Variants in IFIT1B observed in about 807,000 individuals in gnomAD.
IFIT1B encodes protein IFIT1 homolog B.
Under a neutral mutation model 2.5 loss-of-function variants are expected in IFIT1B, and 3 were observed. That is an observed-to-expected ratio of 1.21 (90% confidence interval 0.55 to 3.14). The LOEUF (loss-of-function observed/expected upper bound fraction) is 3.14. IFIT1B is among the 30% of genes most tolerant of loss of function. The pLI is 0.03. For synonymous variants in IFIT1B, 196 were observed against 203.0 expected, an observed-to-expected ratio of 0.97 and a Z score of 0.29; for missense variants, 545 against 556.5, an observed-to-expected ratio of 0.98 and a Z score of 0.21.
At chr10:89,379,705 GTC>G (rs1308189034) in intron 1 of IFIT1B, among the ~76,000 whole-genome samples, 3 of 152,068 alleles carry the variant, frequency 2.0e-5, no homozygotes, top group Non-Finnish European at 4.4e-5. Context: ...GAGTACCCAA[GTC>G]TCTCTTTTTA....
At chr10:89,382,475 C>A (rs1376048694) in intron 1 of IFIT1B, among the ~76,000 whole-genome samples, 2 of 152,164 alleles carry the variant, frequency 1.3e-5, no homozygotes, top group African/African-American at 4.8e-5. Flanking sequence ...CCTTCTGGTC[C>A]CACTGACTTC....
Position 89,384,056 on chromosome 10 carries a change from C to G in IFIT1B, c.743C>G (p.Ser248Cys). The change falls in exon 2 of 2, where the codon TCT (serine) becomes TGT (cysteine). Residue 248 changes from serine (S) to cysteine (C), a missense_variant. Ser to Cys is a moderately radical substitution (Grantham distance 112). Transcript: ENST00000371809. Reference sequence around the variant, plus strand: ...ATTGAAGAAGCTCTGACCAGTATATCTTCACAGGCCTATGTCTTTCAATAT... The same window carrying G: ...ATTGAAGAAGCTCTGACCAGTATATGTTCACAGGCCTATGTCTTTCAATAT... ...KYIEEALTSI[S>C]SQAYVFQYAA... 6.2e-7 allele frequency: 1 copy of G among 1,614,208 alleles called. No homozygotes were observed. Among genetic ancestry groups the G allele is most frequent in the Non-Finnish European group, 8.5e-7 (1 of 1,180,044 alleles).
chr10:89,381,353 G>A (rs2133603007), intron 1 of IFIT1B, among the ~76,000 whole-genome samples: 1 of 152,168 alleles, frequency 6.6e-6, no homozygotes, highest in South Asian at 2.1e-4. Flanking sequence ...GCATTCTTCA[G>A]CACAATATTA....
Position 89,384,951 on chromosome 10 carries a change from C to A in IFIT1B, c.*213C>A. The A allele has an allele frequency of 1.9e-6, 1 of 528,174 alleles. No individual in the cohort carries two copies. The highest frequency in any genetic ancestry group is 3.3e-6 in the Non-Finnish European group (1 of 299,470). The allele number at this position is 528,174 out of a possible 1,614,324, so 32.7% of individuals were successfully genotyped here. A position where few individuals can be genotyped will look rare whatever the true frequency, so the allele number is the denominator to read the frequency against. The stretch of plus-strand genomic sequence containing the variant: ...AGGCCTTGTGGCACCAGACATAAGA[C>A]CCCCTGAAAGTATCATCCCTCCTGA... On this transcript the variant is annotated 3_prime_UTR_variant, in exon 2 of 2. Coordinates refer to ENST00000371809, the MANE Select transcript of IFIT1B (RefSeq NM_001010987.2).
chr10:89,381,211 T>A (rs1428801177), intron 1 of IFIT1B, among the ~76,000 whole-genome samples: 1 of 152,216 alleles, frequency 6.6e-6, no homozygotes, highest in African/African-American at 2.4e-5. Flanking sequence ...AATGGAAGTC[T>A]GTGTGGATTA....
In IFIT1B at chr10:89,383,826, C is replaced by T. The variant is rs758308539; in HGVS notation, c.513C>T (p.Asn171=). ...KTCFEKALEG[N]PENPEFNTGY... ...GCTTTGAAAAGGCTCTGGAAGGGAA[C>T]CCTGAAAACCCTGAATTCAATACTG... is the stretch of plus-strand genomic sequence containing the variant. Residue 171 remains asparagine (N), a synonymous_variant, in exon 2 of 2, where the codon AAC becomes AAT. Transcript: ENST00000371809. The T allele has an allele frequency of 7.4e-6, 12 of 1,614,152 alleles. No individual in the cohort carries two copies. The highest frequency in any genetic ancestry group is 1.3e-5 in the African/African-American group (1 of 75,028).
rs1236811462 is a variant in IFIT1B, at chr10:89,383,427, G to C, written c.114G>C (p.Arg38Ser). Reference protein sequence around the residue: ...EAPEIPDLENRIWEEIQFLDT... With the variant: ...EAPEIPDLENSIWEEIQFLDT... ...CTGAAATTCCTGATTTAGAAAACAG[G>C]ATCTGGGAAGAGATTCAGTTCCTGG... is the stretch of plus-strand genomic sequence containing the variant. The change falls in exon 2 of 2, where the codon AGG (arginine) becomes AGC (serine). Residue 38 changes from arginine to serine, a missense_variant. Physicochemically the swap from Arg to Ser is moderately radical, Grantham distance 110 (BLOSUM62 -1). Transcript: ENST00000371809. 4 of 1,614,094 alleles carry C rather than the reference G, an allele frequency of 2.5e-6. No individual in the cohort carries two copies. The Admixed American group carries it at 6.7e-5, about 27-fold the overall frequency.
chr10:89,383,229 G>C, intron 1 of IFIT1B, 90 bp from the exon 2 acceptor site: 1 of 1,124,630 alleles, frequency 8.9e-7, no homozygotes, highest in Non-Finnish European at 1.3e-6. Context: ...AATTAGGATA[G>C]AGCATATTTG....
chr10:89,378,254 T>C, intron 1 of IFIT1B, 114 bp downstream of exon 1: 1 of 1,045,384 alleles, frequency 9.6e-7, no homozygotes, highest in Admixed American at 1.8e-5. Flanking sequence ...GTCCCACTGG[T>C]GGTTCTGACC....
At position 89,384,765 on chromosome 10, in the gene IFIT1B, TG is replaced by T. The variant is rs747250476; in HGVS notation, c.*29del. ...ATAGAGGTCACCATTATCCATTTAATGGTCTTATAACTAAATAGAATGACTA... is the reference window on the plus strand; with the variant it reads ...ATAGAGGTCACCATTATCCATTTAATGTCTTATAACTAAATAGAATGACTA... On this transcript the variant is annotated 3_prime_UTR_variant, in exon 2 of 2. Transcript: ENST00000371809. The T allele has an allele frequency of 4.9e-5, 74 of 1,508,800 alleles. No homozygotes were observed. The highest frequency in any genetic ancestry group is 5.4e-6 in the Non-Finnish European group (6 of 1,107,090). 93.5% of individuals were successfully genotyped at this position (1,508,800 alleles called of 1,614,324 possible). A position where few individuals can be genotyped will look rare whatever the true frequency, so the allele number is the denominator to read the frequency against.
At chr10:89,379,561 G>A (rs1844145766) in intron 1 of IFIT1B, among the ~76,000 whole-genome samples, 1 of 152,176 alleles carries the variant, frequency 6.6e-6, no homozygotes, top group Non-Finnish European at 1.5e-5. Flanking sequence ...TCTCCCATCT[G>A]ATGTTGCAGT....
At chr10:89,379,301 A>T (rs1844144137) in intron 1 of IFIT1B, among the ~76,000 whole-genome samples, 2 of 152,234 alleles carry the variant, frequency 1.3e-5, no homozygotes, top group African/African-American at 4.8e-5. Context: ...CTCAGGCCCT[A>T]CCCTAAACCT....
At chr10:89,378,226 C>T (rs960633339) in intron 1 of IFIT1B, 86 bp downstream of exon 1, 3 of 1,378,012 alleles carry the variant, frequency 2.2e-6, no homozygotes, top group South Asian at 1.2e-5. Context: ...TTTTGACAGG[C>T]CTTCTCCTAA....
At chr10:89,378,180 A>T in intron 1 of IFIT1B, 40 bp downstream of exon 1, 11 of 1,611,290 alleles carry the variant, frequency 6.8e-6, no homozygotes, top group Non-Finnish European at 9.3e-6. Context: ...ATTTCTGCAC[A>T]CTTTGAAATT....
intron 1 of IFIT1B, 131 bp downstream of exon 1, chr10:89,378,271 G>T: frequency 4.8e-6 from 4 of 839,140 alleles, no homozygotes; most frequent in Non-Finnish European, 8.1e-6. Context: ...GACCCTGATA[G>T]GCACCCTCAA....
At chr10:89,378,271 G>C in intron 1 of IFIT1B, 131 bp downstream of exon 1, 1 of 839,140 alleles carries the variant, frequency 1.2e-6, no homozygotes. Context: ...GACCCTGATA[G>C]GCACCCTCAA....
Position 89,383,622 on chromosome 10 carries a change from G to C in IFIT1B, c.309G>C (p.Trp103Cys). 1 of 1,614,176 alleles carries C rather than the reference G, an allele frequency of 6.2e-7. No individual in the cohort carries two copies. The highest frequency in any genetic ancestry group is 1.1e-5 in the South Asian group (1 of 91,092). Residue 103 changes from tryptophan to cysteine, a missense_variant, in exon 2 of 2, where the codon TGG becomes TGC. Trp to Cys is a radical substitution (Grantham distance 215, BLOSUM62 -2). Transcript: ENST00000371809. ...TGGTGACCTGGGGCAACTTTGCCTG[G>C]GTGTATTACCACATGGGCAGATTGG... ...RSLVTWGNFA[W>C]VYYHMGRLAE...
intron 1 of IFIT1B, among the ~76,000 whole-genome samples, chr10:89,381,381 C>T (rs1004183499): frequency 2.6e-5 from 4 of 152,140 alleles, no homozygotes; most frequent in Non-Finnish European, 4.4e-5. Context: ...TTACTCCTGA[C>T]CCCACCTCAC....
In IFIT1B at chr10:89,383,414, AT is replaced by A; in HGVS notation, c.104del (p.Leu35Ter). The A allele has an allele frequency of 6.2e-7, 1 of 1,614,176 alleles. No homozygotes were observed. Among genetic ancestry groups the A allele is most frequent in the Non-Finnish European group, 8.5e-7 (1 of 1,179,998 alleles). On this transcript the variant is annotated frameshift_variant, in exon 2 of 2. Transcript: ENST00000371809. LOFTEE classifies it low-confidence loss of function (END_TRUNC). ...KLLIEAPEIP[D>X]LENRIWEEIQ... ...TTAATTGAAGCCCCTGAAATTCCTG[AT>A]TTAGAAAACAGGATCTGGGAAGAGA...
Sources: gnomAD v4.1 joint callset for allele counts (sites outside exome capture counted in the v4.1 genomes callset) on GRCh38, gnomAD v4.1.1 for gene constraint, MANE v1.5 for transcripts, NCBI Gene and HGNC (gene_info 2026-07-23, HGNC 2026-07-21) for gene names.